PLA2G6: variants seen among roughly 807,000 people sequenced by gnomAD.
The protein encoded by PLA2G6 is 85/88 kDa calcium-independent phospholipase A2.
A neutral mutation model predicts 83.8 loss-of-function variants in PLA2G6; 62 were observed. The observed-to-expected ratio is 0.74, with a 90% CI of 0.60 to 0.91. PLA2G6 has a LOEUF of 0.91. Ranked by LOEUF, PLA2G6 falls within the 40% of genes least tolerant of loss-of-function variation. The pLI, the probability that PLA2G6 is intolerant of heterozygous loss-of-function variation, is 0.00. For missense variants in PLA2G6, 944 were observed against 1,102.0 expected, an observed-to-expected ratio of 0.86 and a Z score of 2.03; for synonymous variants, 417 against 449.8, an observed-to-expected ratio of 0.93 and a Z score of 0.92.
At chr22:38,145,083 C>T in intron 3 of PLA2G6, 2 of 285,390 alleles carry the variant, frequency 7.0e-6, no homozygotes, top group South Asian at 6.8e-5. Flanking sequence ...ATTCTGTCAC[C>T]CAGGCTGAAG....
intron 10 of PLA2G6, among the ~76,000 whole-genome samples, chr22:38,125,070 T>G (rs4820316): frequency 1.3e-5 from 2 of 152,360 alleles, no homozygotes; most frequent in African/African-American, 2.4e-5. Context: ...GGGTCCCCCC[T>G]TCAGGTGCAG....
At chr22:38,148,055 A>G (rs1437456927) in intron 2 of PLA2G6, 2 of 176,564 alleles carry the variant, frequency 1.1e-5, no homozygotes, top group Non-Finnish European at 2.4e-5. Context: ...GCCTCTCAAC[A>G]TCAGGGTACT....
intron 13 of PLA2G6, 64 bp from the exon 14 acceptor site, chr22:38,115,745 A>G (rs1203920871): frequency 2.6e-6 from 4 of 1,540,022 alleles, no homozygotes; most frequent in African/African-American, 2.7e-5. Context: ...CATGCACTCC[A>G]GATCTCAGGG....
intron 2 of PLA2G6, chr22:38,150,077 A>G (rs1235837617): frequency 1.3e-5 from 2 of 151,886 alleles, no homozygotes; most frequent in African/African-American, 4.8e-5. Context: ...AACACATAGA[A>G]AAAAACAAAA....
chr22:38,112,314 G>C lies in PLA2G6; in HGVS notation c.2277-9C>G. 6.2e-7 allele frequency: 1 copy of C among 1,612,984 alleles called. No homozygotes were observed. Among genetic ancestry groups the C allele is most frequent in the Non-Finnish European group, 8.5e-7 (1 of 1,179,704 alleles). ...CCAGCTGGGGGTTCAATCTGTTCGG[G>C]CCAGGGAGGAGGGGGTCACCCTAGG... is the stretch of plus-strand genomic sequence containing the variant. On this transcript the variant is annotated splice_polypyrimidine_tract_variant and intron_variant, in intron 16 of 16. Transcript: ENST00000332509.
intron 2 of PLA2G6, among the ~76,000 whole-genome samples, chr22:38,153,326 C>T (rs543954076): frequency 2.6e-5 from 4 of 152,254 alleles, no homozygotes; most frequent in East Asian, 1.9e-4. Context: ...AAGTGAGGAG[C>T]GCCTCTGCCC....
intron 11 of PLA2G6, among the ~76,000 whole-genome samples, chr22:38,122,668 C>T (rs370242863): frequency 1.0e-3 from 155 of 152,276 alleles, no homozygotes; most frequent in African/African-American, 3.6e-3. Flanking sequence ...AGTGTGCAGG[C>T]GAGGGCTCTG....
chr22:38,140,588 CTG>C (rs2088847060), intron 4 of PLA2G6: 1 of 234,750 alleles, frequency 4.3e-6, no homozygotes, highest in Admixed American at 5.2e-5. Flanking sequence ...CCTGGCATGA[CTG>C]TGGCTCACAT....
intron 11 of PLA2G6, chr22:38,121,121 TAATC>T (rs2087506753): frequency 3.7e-6 from 2 of 537,234 alleles, no homozygotes; most frequent in Non-Finnish European, 6.7e-6. Context: ...CTCGCGCCTG[TAATC>T]CCAGCACTTT....
chr22:38,164,737 A>G (rs754094494), intron 2 of PLA2G6, among the ~76,000 whole-genome samples: 1 of 152,170 alleles, frequency 6.6e-6, no homozygotes, highest in Non-Finnish European at 1.5e-5. Flanking sequence ...CTAGCAGCCC[A>G]TGCTCACTCT....
At chr22:38,158,678 A>G (rs2089890624) in intron 2 of PLA2G6, among the ~76,000 whole-genome samples, 1 of 152,216 alleles carries the variant, frequency 6.6e-6, no homozygotes, top group South Asian at 2.1e-4. Context: ...TATGGCCAGC[A>G]TAGGTCAGTG....
At chr22:38,134,920 C>T in intron 6 of PLA2G6, 68 bp downstream of exon 6, 2 of 1,167,912 alleles carry the variant, frequency 1.7e-6, no homozygotes, top group Non-Finnish European at 2.5e-6. Context: ...GAACCTGCTT[C>T]CTGAGGGCCC....
intron 6 of PLA2G6, chr22:38,133,952 G>A (rs1391868342): frequency 2.0e-5 from 3 of 152,284 alleles, no homozygotes; most frequent in Non-Finnish European, 2.9e-5. Flanking sequence ...GACCCTGGGT[G>A]TGTCTGAGAG....
At chr22:38,162,223 GAAAA>G (rs1275564882) in intron 2 of PLA2G6, among the ~76,000 whole-genome samples, 2 of 99,492 alleles carry the variant, frequency 2.0e-5, no homozygotes, top group South Asian at 3.7e-4. Context: ...AAAAAAAAAA[GAAAA>G]AAAAAAAAAA....
chr22:38,180,967 TGA>T (rs1395115824), intron 1 of PLA2G6, among the ~76,000 whole-genome samples: 1 of 151,914 alleles, frequency 6.6e-6, no homozygotes, highest in Non-Finnish European at 1.5e-5. Context: ...AAGAGGCAGG[TGA>T]GGGAAAGACC....
At chr22:38,155,205 C>T (rs887071830) in intron 2 of PLA2G6, among the ~76,000 whole-genome samples, 20 of 148,510 alleles carry the variant, frequency 1.3e-4, no homozygotes, top group Non-Finnish European at 2.5e-4. Context: ...CCAGCCTGGG[C>T]GACAGAGCAA....
chr22:38,116,522 GA>G, intron 12 of PLA2G6: 1 of 490,888 alleles, frequency 2.0e-6, no homozygotes, highest in South Asian at 1.7e-5. Flanking sequence ...AATCAGGAAA[GA>G]AAAGGGGGCC....
Position 38,129,349 on chromosome 22 carries a change from T to A in PLA2G6, c.1186+105A>T, listed in dbSNP as rs11570694. 6.1e-6 allele frequency: 5 copies of A among 818,728 alleles called. No individual in the cohort carries two copies. In the East Asian group the frequency reaches 1.3e-4, roughly 21 times the overall value. 50.7% of individuals were successfully genotyped at this position (818,728 alleles called of 1,614,324 possible). On this transcript the variant is annotated intron_variant, in intron 8 of 16. Coordinates refer to ENST00000332509, the MANE Select transcript of PLA2G6 (RefSeq NM_003560.4). Reference sequence around the variant, plus strand: ...TCCTGGCAGCTCTGAGCAGGGCGGGTCAGCACAGGATGCTGGCACCTGATG... The same window carrying A: ...TCCTGGCAGCTCTGAGCAGGGCGGGACAGCACAGGATGCTGGCACCTGATG...
At chr22:38,153,017 C>A (rs558293472) in intron 2 of PLA2G6, among the ~76,000 whole-genome samples, 7 of 150,702 alleles carry the variant, frequency 4.6e-5, no homozygotes, top group African/African-American at 1.5e-4. Context: ...GGGGTGGGTG[C>A]CATGGACTAT....
Sources: gnomAD v4.1 joint callset for allele counts (sites outside exome capture counted in the v4.1 genomes callset) on GRCh38, gnomAD v4.1.1 for gene constraint, MANE v1.5 for transcripts, NCBI Gene and HGNC (gene_info 2026-07-23, HGNC 2026-07-21) for gene names.